Variants in ZRANB3 observed in about 807,000 individuals in gnomAD.
The protein encoded by ZRANB3 is zinc finger RANBP2-type containing 3.
In ZRANB3, 125 loss-of-function variants were observed where a neutral mutation model predicts 133.8. The ratio of observed to expected loss-of-function variants is 0.93; its 90% CI spans 0.81 to 1.08. ZRANB3 has a LOEUF of 1.08. ZRANB3 is among the 50% of genes least tolerant of loss of function. The pLI, the probability that ZRANB3 is intolerant of heterozygous loss-of-function variation, is 0.00. For missense variants in ZRANB3, 1,229 were observed against 1,275.5 expected (o/e 0.96, Z 0.56); for synonymous variants, 387 against 432.7 (o/e 0.89, Z 1.31).
chr2:135,278,580 G>A (rs150122823), intron 8 of ZRANB3, among the ~76,000 whole-genome samples: 104 of 152,238 alleles, frequency 6.8e-4, no homozygotes, highest in African/African-American at 2.4e-3. Flanking sequence ...AAGGAATCAG[G>A]TGAAATTTCT....
intron 2 of ZRANB3, among the ~76,000 whole-genome samples, chr2:135,403,283 C>T (rs949554752): frequency 6.6e-6 from 1 of 152,128 alleles, no homozygotes; most frequent in Non-Finnish European, 1.5e-5. Flanking sequence ...ACGGTCTTAG[C>T]AAATGGCACA....
rs758209793 is a variant in ZRANB3, at chr2:135,341,796, A to G, written c.677+3754T>C. On this transcript the variant is annotated intron_variant, in intron 6 of 20. Coordinates refer to ENST00000264159, the MANE Select transcript of ZRANB3 (RefSeq NM_032143.4). The stretch of plus-strand genomic sequence containing the variant: ...CTGCCTTATGCAGTTGTAGATAGGG[A>G]TGAAACACGCCCTGGTCTCCTGCAG... 8.0e-5 allele frequency among the ~76,000 whole-genome samples: 12 copies of G among 149,996 alleles called. 1 individual carries two copies. Among genetic ancestry groups the G allele is most frequent in the African/African-American group, 2.8e-4 (11 of 39,372 alleles).
intron 1 of ZRANB3, among the ~76,000 whole-genome samples, chr2:135,528,168 A>C (rs1428438302): frequency 6.7e-6 from 1 of 149,406 alleles, no homozygotes. Flanking sequence ...GGTTTGTTTG[A>C]GACAGAGTCT....
intron 3 of ZRANB3, among the ~76,000 whole-genome samples, chr2:135,386,661 C>T (rs1686989148): frequency 6.6e-6 from 1 of 152,098 alleles, no homozygotes; most frequent in Non-Finnish European, 1.5e-5. Flanking sequence ...GCTATGCAGC[C>T]ATAAAAAAGG....
At chr2:135,460,109 G>A (rs574918574) in intron 2 of ZRANB3, among the ~76,000 whole-genome samples, 13 of 152,242 alleles carry the variant, frequency 8.5e-5, no homozygotes, top group African/African-American at 3.1e-4. Flanking sequence ...GTCAGGATGT[G>A]CGAAATTTTT....
intron 9 of ZRANB3, among the ~76,000 whole-genome samples, chr2:135,272,467 T>G (rs1573803118): frequency 7.1e-6 from 1 of 140,924 alleles, no homozygotes; most frequent in East Asian, 2.0e-4. Context: ...CAGGCTGGAG[T>G]GCAGTGGTGG....
chr2:135,521,575 T>C (rs1179882530), intron 1 of ZRANB3, among the ~76,000 whole-genome samples: 1 of 152,150 alleles, frequency 6.6e-6, no homozygotes, highest in Non-Finnish European at 1.5e-5. Context: ...CTTCAGACAC[T>C]ACAGAAGGTA....
intron 2 of ZRANB3, among the ~76,000 whole-genome samples, chr2:135,404,144 A>C (rs1376171703): frequency 6.6e-6 from 1 of 152,196 alleles, no homozygotes; most frequent in East Asian, 1.9e-4. Flanking sequence ...TCAGATGATC[A>C]AACTACTCTG....
chr2:135,266,193 A>G (rs1003418146), intron 11 of ZRANB3, among the ~76,000 whole-genome samples: 1 of 152,162 alleles, frequency 6.6e-6, no homozygotes, highest in Admixed American at 6.5e-5. Flanking sequence ...TGACACAGTG[A>G]GACTCTGTCT....
chr2:135,275,057 C>G (rs1313612386), intron 9 of ZRANB3, among the ~76,000 whole-genome samples: 3 of 152,248 alleles, frequency 2.0e-5, no homozygotes, highest in Non-Finnish European at 4.4e-5. Context: ...TCTGATTTCT[C>G]TATCTTTTCC....
intron 6 of ZRANB3, among the ~76,000 whole-genome samples, chr2:135,330,943 C>T (rs1216212415): frequency 6.6e-6 from 1 of 152,022 alleles, no homozygotes; most frequent in Non-Finnish European, 1.5e-5. Flanking sequence ...TCTCTCTTTT[C>T]TTCATTAGTC....
In ZRANB3 at chr2:135,275,694, A is replaced by C. The variant is rs778032715; in HGVS notation, c.1028T>G (p.Val343Gly). ...GAGCATGCTTAAATGGTGAGCAAAA[A>C]CCAGAAATTTAAGCGAATCATTCTG... Reference protein sequence around the residue: ...MLQNDSLKFLVFAHHLSMLQA... With the variant: ...MLQNDSLKFLGFAHHLSMLQA... The change falls in exon 9 of 21, where the codon GTT becomes GGT. Residue 343 changes from valine (V) to glycine (G), a missense_variant. By Grantham distance (109) the Val-to-Gly change is moderately radical (BLOSUM62 -3). Coordinates refer to ENST00000264159, the MANE Select transcript of ZRANB3 (RefSeq NM_032143.4). The C allele has an allele frequency of 1.5e-5, 24 of 1,608,254 alleles. No homozygotes were observed. The African/African-American group carries it at 3.1e-4, about 21-fold the overall frequency.
rs377703048 is a variant in ZRANB3, at chr2:135,226,331, T to C, written c.2158+1481A>G. 2.2e-4 allele frequency among the ~76,000 whole-genome samples: 34 copies of C among 152,330 alleles called. No individual in the cohort carries two copies. In the South Asian group the frequency reaches 5.8e-3, roughly 26 times the overall value. The stretch of plus-strand genomic sequence containing the variant: ...ACAAAACTACAGTTCTAGAGTAGTA[T>C]GTACCACTCTGGTTCTAAAAGAGCA... On this transcript the variant is annotated intron_variant, in intron 14 of 20. Transcript: ENST00000264159.
intron 8 of ZRANB3, among the ~76,000 whole-genome samples, chr2:135,309,837 G>C (rs1216559369): frequency 1.3e-5 from 2 of 152,184 alleles, no homozygotes; most frequent in East Asian, 1.9e-4. Flanking sequence ...TTAAAATGCT[G>C]ATTCTAAAAT....
At chr2:135,293,370 G>T (rs928875899) in intron 8 of ZRANB3, among the ~76,000 whole-genome samples, 1 of 151,976 alleles carries the variant, frequency 6.6e-6, no homozygotes, top group African/African-American at 2.4e-5. Context: ...GTGAATGGGA[G>T]TTCACTCATG....
At chr2:135,454,075 A>G (rs1282907026) in intron 2 of ZRANB3, among the ~76,000 whole-genome samples, 1 of 152,256 alleles carries the variant, frequency 6.6e-6, no homozygotes, top group East Asian at 1.9e-4. Flanking sequence ...GGGAAGAAGC[A>G]AAAGTGCAAA....
Position 135,266,766 on chromosome 2 carries a change from T to TA in ZRANB3, c.1387-1081dup, listed in dbSNP as rs1225504474. 1.4e-3 allele frequency among the ~76,000 whole-genome samples: 193 copies of TA among 140,602 alleles called. 1 individual carries two copies. The highest frequency in any genetic ancestry group is 5.5e-3 in the East Asian group (27 of 4,898). The allele number at this position is 140,602 out of a possible 152,430, so 92.2% of individuals were successfully genotyped here. On this transcript the variant is annotated intron_variant, in intron 11 of 20. Coordinates refer to ENST00000264159, the MANE Select transcript of ZRANB3 (RefSeq NM_032143.4). Reference sequence around the variant, plus strand: ...GGCGATAGAGCAAGACTCCATCTCTTAAAAAAAAAAAAAAGAGTCTAATAA... The same window carrying TA: ...GGCGATAGAGCAAGACTCCATCTCTTAAAAAAAAAAAAAAAGAGTCTAATAA...
At chr2:135,414,478 G>C (rs1217041907) in intron 2 of ZRANB3, among the ~76,000 whole-genome samples, 2 of 152,020 alleles carry the variant, frequency 1.3e-5, no homozygotes, top group African/African-American at 4.8e-5. Flanking sequence ...CCTACAAAGA[G>C]ACTTAGACTC....
In ZRANB3 at chr2:135,230,672, G is replaced by C; in HGVS notation, c.1795C>G (p.Gln599Glu). 1 of 1,613,618 alleles carries C rather than the reference G, an allele frequency of 6.2e-7. No individual in the cohort carries two copies. The highest frequency in any genetic ancestry group is 8.5e-7 in the Non-Finnish European group (1 of 1,179,784). ...CTTTCCACGAGTGGAGTTCGGATTTGCTTGGACTGGGATGGTGTCTCTTCC... is the reference window on the plus strand; with the variant it reads ...CTTTCCACGAGTGGAGTTCGGATTTCCTTGGACTGGGATGGTGTCTCTTCC... Reference protein sequence around the residue: ...PSEETPSQSKQIRTPLVESVQ... With the variant: ...PSEETPSQSKEIRTPLVESVQ... Residue 599 changes from glutamine to glutamate, a missense_variant, in exon 13 of 21, where the codon CAA becomes GAA. Physicochemically the swap from Gln to Glu is conservative, Grantham distance 29. Coordinates refer to ENST00000264159, the MANE Select transcript of ZRANB3 (RefSeq NM_032143.4).
Sources: gnomAD v4.1 joint callset for allele counts (sites outside exome capture counted in the v4.1 genomes callset) on GRCh38, gnomAD v4.1.1 for gene constraint, MANE v1.5 for transcripts, NCBI Gene and HGNC (gene_info 2026-07-23, HGNC 2026-07-21) for gene names.